SEMA5A: variants seen among roughly 807,000 people sequenced by gnomAD.
SEMA5A encodes the protein semaphorin 5A.
In SEMA5A, 55 loss-of-function variants were observed where a neutral mutation model predicts 135.5. The ratio of observed to expected loss-of-function variants is 0.41; its 90% CI spans 0.33 to 0.51. The LOEUF is 0.51. Among genes scored for constraint, SEMA5A ranks in the 20% least tolerant of loss-of-function variants. SEMA5A has a pLI of 0.37. For synonymous variants in SEMA5A, 580 were observed against 546.5 expected (o/e 1.06, Z -0.85); for missense variants, 1,290 against 1,419.9 (o/e 0.91, Z 1.47).
rs150044613 is a variant in SEMA5A, at chr5:9,385,020, G to A, written c.-77-4997C>T. Among the ~76,000 whole-genome samples the A allele has an allele frequency of 9.2e-5, 14 of 152,224 alleles. No individual in the cohort carries two copies. In the East Asian group the frequency reaches 9.6e-4, roughly 10 times the overall value. Reference sequence around the variant, plus strand: ...CTCTAGAAAAATAAAAATATATTACGTGAGTTAATATGAAACAAATGAATT... The same window carrying A: ...CTCTAGAAAAATAAAAATATATTACATGAGTTAATATGAAACAAATGAATT... On this transcript the variant is annotated intron_variant, in intron 2 of 22. Transcript: ENST00000382496.
Position 9,468,709 on chromosome 5 carries a change from C to T in SEMA5A, c.-174-30857G>A, listed in dbSNP as rs553487424. Among the ~76,000 whole-genome samples, 4 of 152,246 alleles carry T rather than the reference C, an allele frequency of 2.6e-5. 1 individual carries two copies. Among genetic ancestry groups the T allele is most frequent in the Admixed American group, 1.3e-4 (2 of 15,288 alleles). On this transcript the variant is annotated intron_variant, in intron 1 of 22. Coordinates refer to ENST00000382496, the MANE Select transcript of SEMA5A (RefSeq NM_003966.3). ...TAGCAACCCGTCAAATGGTGGCATCCATTTACTCGGCCAATCTCCAGCTAC... is the reference window on the plus strand; with the variant it reads ...TAGCAACCCGTCAAATGGTGGCATCTATTTACTCGGCCAATCTCCAGCTAC...
At chr5:9,286,324 G>A (rs796720741) in intron 5 of SEMA5A, among the ~76,000 whole-genome samples, 17 of 152,238 alleles carry the variant, frequency 1.1e-4, no homozygotes, top group African/African-American at 4.1e-4. Context: ...AAATTTTCAA[G>A]TAATTGCAAT....
At chr5:9,112,836 G>C (rs1740313477) in intron 15 of SEMA5A, among the ~76,000 whole-genome samples, 1 of 152,174 alleles carries the variant, frequency 6.6e-6, no homozygotes, top group Admixed American at 6.5e-5. Flanking sequence ...TGTCACTTCT[G>C]TCATTATGTT....
chr5:9,305,134 T>A (rs1043034924), intron 5 of SEMA5A, among the ~76,000 whole-genome samples: 1 of 152,176 alleles, frequency 6.6e-6, no homozygotes, highest in Non-Finnish European at 1.5e-5. Context: ...CTCGCCTGTA[T>A]TGGAGCCTCT....
intron 2 of SEMA5A, among the ~76,000 whole-genome samples, chr5:9,431,636 G>C (rs1211972042): frequency 6.6e-6 from 1 of 152,122 alleles, no homozygotes; most frequent in Admixed American, 6.6e-5. Flanking sequence ...CACAGGGCAG[G>C]AAAATCCCCA....
At chr5:9,318,150 C>T (rs1165984580) in intron 5 of SEMA5A, among the ~76,000 whole-genome samples, 1 of 152,120 alleles carries the variant, frequency 6.6e-6, no homozygotes, top group Non-Finnish European at 1.5e-5. Context: ...ATCCACGGAA[C>T]AAACAGGGCC....
At chr5:9,350,309 G>A (rs144254330) in intron 3 of SEMA5A, among the ~76,000 whole-genome samples, 105 of 152,216 alleles carry the variant, frequency 6.9e-4, no homozygotes, top group African/African-American at 2.0e-3. Flanking sequence ...CTTTTTTCTC[G>A]GGAACCGTAT....
intron 12 of SEMA5A, among the ~76,000 whole-genome samples, chr5:9,140,753 C>T (rs369133850): frequency 4.1e-4 from 63 of 152,262 alleles, no homozygotes; most frequent in African/African-American, 1.4e-3. Context: ...AAAAGCATAG[C>T]GAGGCTACAC....
At chr5:9,396,238 G>A (rs897700323) in intron 2 of SEMA5A, among the ~76,000 whole-genome samples, 13 of 108,054 alleles carry the variant, frequency 1.2e-4, no homozygotes, top group Middle Eastern at 5.1e-3. Flanking sequence ...GATTTAATGC[G>A]CGTGCGTGCA....
intron 5 of SEMA5A, 133 bp downstream of exon 5, chr5:9,318,239 G>T (rs1299073061): frequency 5.5e-6 from 4 of 733,394 alleles, no homozygotes; most frequent in Admixed American, 2.8e-5. Context: ...TAGTCCCGTG[G>T]CCTGACCTGC....
intron 5 of SEMA5A, among the ~76,000 whole-genome samples, chr5:9,305,687 A>C (rs1246903161): frequency 1.2e-3 from 128 of 110,918 alleles, no homozygotes; most frequent in African/African-American, 4.1e-3. Flanking sequence ...AATATACAGT[A>C]TATATACTGT....
intron 6 of SEMA5A, among the ~76,000 whole-genome samples, chr5:9,231,315 T>C (rs144437261): frequency 6.6e-6 from 1 of 151,840 alleles, no homozygotes; most frequent in East Asian, 2.0e-4. Context: ...AATACAAAAG[T>C]TAGCCAAGTG....
chr5:9,306,707 A>G (rs1751887193), intron 5 of SEMA5A, among the ~76,000 whole-genome samples: 1 of 152,170 alleles, frequency 6.6e-6, no homozygotes, highest in Admixed American at 6.6e-5. Context: ...CCCTCACAAT[A>G]GCCAGGGATA....
chr5:9,504,318 G>GA (rs796220539), intron 1 of SEMA5A, among the ~76,000 whole-genome samples: 24 of 148,370 alleles, frequency 1.6e-4, no homozygotes, highest in African/African-American at 5.7e-4. Flanking sequence ...ATAAAACCAA[G>GA]AAAAAAAGTT....
Position 9,497,613 on chromosome 5 carries a change from G to A in SEMA5A, c.-175+47971C>T, listed in dbSNP as rs368285968. ...TTCAAGATACCAGGCATCTAAGCACGTCCCAGATGGTGACAGTTAATCTTC... is the reference window on the plus strand; with the variant it reads ...TTCAAGATACCAGGCATCTAAGCACATCCCAGATGGTGACAGTTAATCTTC... On this transcript the variant is annotated intron_variant, in intron 1 of 22. Coordinates refer to ENST00000382496, the MANE Select transcript of SEMA5A (RefSeq NM_003966.3). Among the ~76,000 whole-genome samples the A allele has an allele frequency of 7.2e-5, 11 of 152,270 alleles. No individual in the cohort carries two copies. The East Asian group carries it at 9.7e-4, about 13-fold the overall frequency.
At position 9,040,673 on chromosome 5, in the gene SEMA5A, C is replaced by T. The variant is rs1735911240; in HGVS notation, c.*2224G>A. 1 of 152,108 alleles carries T rather than the reference C, an allele frequency of 6.6e-6. No homozygotes were observed. The highest frequency in any genetic ancestry group is 6.5e-5 in the Admixed American group (1 of 15,272). 9.4% of individuals were successfully genotyped at this position (152,108 alleles called of 1,614,324 possible). ...TTATATTATTAACAACATGAAGATC[C>T]TGTAGTGAGGGAGGGTGTTTTTCCC... On this transcript the variant is annotated 3_prime_UTR_variant, in exon 23 of 23. Coordinates refer to ENST00000382496, the MANE Select transcript of SEMA5A (RefSeq NM_003966.3).
At chr5:9,469,556 A>T in intron 1 of SEMA5A, among the ~76,000 whole-genome samples, 1 of 152,146 alleles carries the variant, frequency 6.6e-6, no homozygotes, top group East Asian at 1.9e-4. Context: ...GCTCAAAAAG[A>T]TTCACTCACT....
intron 1 of SEMA5A, among the ~76,000 whole-genome samples, chr5:9,475,375 G>A (rs1459109749): frequency 1.3e-5 from 2 of 152,106 alleles, no homozygotes; most frequent in East Asian, 1.9e-4. Flanking sequence ...GTTGTCTATT[G>A]CCTTGGTTAG....
chr5:9,536,701 G>A (rs1737788112), intron 1 of SEMA5A, among the ~76,000 whole-genome samples: 1 of 151,816 alleles, frequency 6.6e-6, no homozygotes, highest in Non-Finnish European at 1.5e-5. Context: ...CCTGGGCAAA[G>A]GCTCAATAAT....
Sources: gnomAD v4.1 joint callset for allele counts (sites outside exome capture counted in the v4.1 genomes callset) on GRCh38, gnomAD v4.1.1 for gene constraint, MANE v1.5 for transcripts, NCBI Gene and HGNC (gene_info 2026-07-23, HGNC 2026-07-21) for gene names.